The following HTR4 variants were observed in gnomAD, a reference collection of about 807,000 sequenced individuals.
HTR4 encodes the protein 5-hydroxytryptamine (serotonin) receptor 4, G protein-coupled.
In HTR4, 16 loss-of-function variants were observed where a neutral mutation model predicts 36.8. The ratio of observed to expected loss-of-function variants is 0.43; its 90% CI spans 0.29 to 0.66. The LOEUF (loss-of-function observed/expected upper bound fraction) is 0.66. HTR4 is among the 30% of genes least tolerant of loss of function. HTR4 has a pLI of 0.13. For synonymous variants in HTR4, 189 were observed against 185.1 expected (o/e 1.02, Z -0.17); for missense variants, 438 against 490.9 (o/e 0.89, Z 1.02).
At chr5:148,623,539 G>A (rs763877332) in intron 2 of HTR4, among the ~76,000 whole-genome samples, 8 of 152,244 alleles carry the variant, frequency 5.3e-5, no homozygotes, top group Admixed American at 2.0e-4. Context: ...AATTTGACAC[G>A]ATCTCACTGT....
At chr5:148,547,596 TA>T (rs1265733877) in intron 4 of HTR4, among the ~76,000 whole-genome samples, 1 of 146,584 alleles carries the variant, frequency 6.8e-6, no homozygotes, top group Non-Finnish European at 1.5e-5. Context: ...AAAATAAAAA[TA>T]AAAAACAGTG....
At chr5:148,505,294 C>A (rs1240490432) in intron 6 of HTR4, among the ~76,000 whole-genome samples, 14 of 152,274 alleles carry the variant, frequency 9.2e-5, no homozygotes, top group African/African-American at 3.4e-4. Context: ...TCAATAGATG[C>A]AGAAAAGGCC....
intron 2 of HTR4, among the ~76,000 whole-genome samples, chr5:148,566,753 T>A (rs1026446031): frequency 6.6e-6 from 1 of 152,110 alleles, no homozygotes; most frequent in Non-Finnish European, 1.5e-5. Flanking sequence ...TACAGGTAAA[T>A]GATACATACA....
At chr5:148,558,851 A>C (rs1422478442) in intron 2 of HTR4, among the ~76,000 whole-genome samples, 2 of 152,228 alleles carry the variant, frequency 1.3e-5, no homozygotes, top group African/African-American at 4.8e-5. Flanking sequence ...CATCCAGTGC[A>C]ATTTTTGTTT....
intron 4 of HTR4, among the ~76,000 whole-genome samples, chr5:148,546,793 T>C (rs1759404419): frequency 6.6e-6 from 1 of 152,220 alleles, no homozygotes; most frequent in Admixed American, 6.5e-5. Context: ...CATATGCAGG[T>C]TACCCAGCAG....
chr5:148,561,554 T>C (rs982271008), intron 2 of HTR4, among the ~76,000 whole-genome samples: 1 of 152,208 alleles, frequency 6.6e-6, no homozygotes, highest in Admixed American at 6.6e-5. Context: ...CAGAGATAGA[T>C]TTCTTTTCTT....
At chr5:148,625,184 G>C (rs192624398) in intron 2 of HTR4, among the ~76,000 whole-genome samples, 10 of 152,210 alleles carry the variant, frequency 6.6e-5, no homozygotes, top group African/African-American at 2.2e-4. Context: ...TGGAGTTAGG[G>C]AGTCAAAAAG....
downstream of HTR4, among the ~76,000 whole-genome samples, chr5:148,474,744 A>G (rs1755654923): frequency 6.6e-6 from 1 of 152,102 alleles, no homozygotes; most frequent in African/African-American, 2.4e-5. Context: ...CTCAACATAG[A>G]CAGATCTAGG....
intron 5 of HTR4, among the ~76,000 whole-genome samples, chr5:148,510,259 A>G (rs1421098152): frequency 6.6e-6 from 1 of 152,234 alleles, no homozygotes; most frequent in Non-Finnish European, 1.5e-5. Flanking sequence ...TGGTTTTCTT[A>G]TAAGCCTACA....
At chr5:148,496,665 G>T (rs1027501306) in intron 6 of HTR4, among the ~76,000 whole-genome samples, 4 of 152,178 alleles carry the variant, frequency 2.6e-5, no homozygotes, top group African/African-American at 4.8e-5. Context: ...CTCTAGAGCT[G>T]CCCAAACTTT....
At chr5:148,462,315 A>T (rs574028650) in intron 5 of HTR4, among the ~76,000 whole-genome samples, 1 of 152,038 alleles carries the variant, frequency 6.6e-6, no homozygotes, top group African/African-American at 2.4e-5. Context: ...AATTATTAAC[A>T]TAAGAAATGA....
intron 2 of HTR4, among the ~76,000 whole-genome samples, chr5:148,551,520 G>C (rs1419545442): frequency 6.6e-6 from 1 of 152,174 alleles, no homozygotes; most frequent in East Asian, 1.9e-4. Flanking sequence ...TGAAAATGAA[G>C]ATCCCTTTTC....
intron 4 of HTR4, among the ~76,000 whole-genome samples, chr5:148,542,071 T>C (rs528790557): frequency 6.6e-6 from 1 of 152,344 alleles, no homozygotes; most frequent in African/African-American, 2.4e-5. Flanking sequence ...AGAGTTTTTC[T>C]GATCATTCAC....
At chr5:148,524,927 G>A (rs558970895) in intron 4 of HTR4, among the ~76,000 whole-genome samples, 2 of 152,278 alleles carry the variant, frequency 1.3e-5, no homozygotes, top group East Asian at 1.9e-4. Context: ...CGAGGAGCAG[G>A]TGCCTCAGGA....
chr5:148,586,625 G>A (rs527456013), intron 2 of HTR4, among the ~76,000 whole-genome samples: 1 of 152,126 alleles, frequency 6.6e-6, no homozygotes, highest in South Asian at 2.1e-4. Flanking sequence ...TCCCTCCCTC[G>A]ACATGTGGGG....
intron 4 of HTR4, among the ~76,000 whole-genome samples, chr5:148,539,811 G>A (rs1432078049): frequency 6.6e-6 from 1 of 152,092 alleles, no homozygotes; most frequent in African/African-American, 2.4e-5. Context: ...AAACACTATG[G>A]CGATTCCTCA....
chr5:148,491,209 A>C (rs1756413941), intron 6 of HTR4, among the ~76,000 whole-genome samples: 1 of 152,168 alleles, frequency 6.6e-6, no homozygotes, highest in Non-Finnish European at 1.5e-5. Context: ...AAGCTCCTAG[A>C]GCCTGCCTAG....
chr5:148,479,452 T>G (rs1284010887), downstream of HTR4, among the ~76,000 whole-genome samples: 1 of 152,196 alleles, frequency 6.6e-6, no homozygotes, highest in Non-Finnish European at 1.5e-5. Context: ...AGACGCATTT[T>G]TCCTTGAATA....
chr5:148,643,569 CTTGA>C (rs1362965022), intron 1 of HTR4, among the ~76,000 whole-genome samples: 1 of 152,260 alleles, frequency 6.6e-6, no homozygotes, highest in Non-Finnish European at 1.5e-5. Context: ...TTTGCAATCA[CTTGA>C]TTAACATTTC....
Sources: gnomAD v4.1 joint callset for allele counts (sites outside exome capture counted in the v4.1 genomes callset) on GRCh38, gnomAD v4.1.1 for gene constraint, MANE v1.5 for transcripts, NCBI Gene and HGNC (gene_info 2026-07-23, HGNC 2026-07-21) for gene names.